Variants in SCP2 observed in about 807,000 individuals in gnomAD.
SCP2 encodes the protein sterol carrier protein 2, also known as SCP-2/3-oxoacyl-CoA thiolase.
A neutral mutation model predicts 71.4 loss-of-function variants in SCP2; 48 were observed. The observed-to-expected ratio is 0.67, with a 90% confidence interval of 0.53 to 0.86. SCP2 has a LOEUF of 0.86. SCP2 is among the 40% of genes least tolerant of loss of function. The pLI is 0.00. For missense variants in SCP2, 560 were observed against 655.6 expected (o/e 0.85, Z 1.59); for synonymous variants, 220 against 218.1 (o/e 1.01, Z -0.08).
chr1:53,021,317 CTTTT>C (rs35858975), intron 12 of SCP2, among the ~76,000 whole-genome samples: 2 of 127,370 alleles, frequency 1.6e-5, no homozygotes, highest in East Asian at 4.6e-4. Context: ...CCGTCAACCA[CTTTT>C]TTTTTTTTTT....
chr1:52,962,606 G>C (rs114736766), intron 6 of SCP2, among the ~76,000 whole-genome samples: 91 of 151,858 alleles, frequency 6.0e-4, no homozygotes, highest in African/African-American at 2.1e-3. Flanking sequence ...CTGTATCTCC[G>C]ACCATTTTTT....
At chr1:52,950,289 T>C (rs1655173287) in intron 3 of SCP2, among the ~76,000 whole-genome samples, 1 of 151,904 alleles carries the variant, frequency 6.6e-6, no homozygotes, top group Admixed American at 6.6e-5. Flanking sequence ...CCTGGCTAAT[T>C]TTTTGTATTT....
chr1:53,030,069 A>G (rs1276458903), intron 13 of SCP2, among the ~76,000 whole-genome samples: 1 of 151,988 alleles, frequency 6.6e-6, no homozygotes, highest in Non-Finnish European at 1.5e-5. Flanking sequence ...TTGTATTTTT[A>G]GTAGAGATGG....
At chr1:52,987,724 G>A (rs1346829231) in intron 10 of SCP2, among the ~76,000 whole-genome samples, 4 of 152,268 alleles carry the variant, frequency 2.6e-5, no homozygotes, top group Admixed American at 6.5e-5. Context: ...AGTTATTTTA[G>A]TTATAGCATT....
rs1012540680 is a variant in SCP2, at chr1:52,950,906, T to C, written c.331+20T>C. On this transcript the variant is annotated intron_variant, in intron 4 of 15. Transcript: ENST00000371514. ...AGGGTGGTAAGGAGTGCTTGTCTAGTGTACTTAAATATTGCCCCATTTTAA... is the reference window on the plus strand; with the variant it reads ...AGGGTGGTAAGGAGTGCTTGTCTAGCGTACTTAAATATTGCCCCATTTTAA... 1 of 1,611,440 alleles carries C rather than the reference T, an allele frequency of 6.2e-7. No individual in the cohort carries two copies. The highest frequency in any genetic ancestry group is 1.3e-5 in the African/African-American group (1 of 74,852).
rs1383759827 is a variant in SCP2, at chr1:52,960,789, G to A, written c.397-714G>A. Among the ~76,000 whole-genome samples, 3 of 149,954 alleles carry A rather than the reference G, an allele frequency of 2.0e-5. No homozygotes were observed. The Admixed American group carries it at 2.0e-4, about 10-fold the overall frequency. ...TCCCAAGACAGAGTCTCACTCTGTC[G>A]CCCAGGCTGGAGTGCAGTAGTGGTG... On this transcript the variant is annotated intron_variant, in intron 5 of 15. Transcript: ENST00000371514.
intron 9 of SCP2, among the ~76,000 whole-genome samples, chr1:52,979,738 A>T (rs970066217): frequency 1.1e-4 from 17 of 152,118 alleles, no homozygotes; most frequent in Non-Finnish European, 1.3e-4. Context: ...TTAGCACAAG[A>T]TATGCTCTGA....
intron 5 of SCP2, among the ~76,000 whole-genome samples, chr1:52,955,031 A>T (rs1320291276): frequency 2.0e-5 from 3 of 151,930 alleles, no homozygotes; most frequent in Non-Finnish European, 4.4e-5. Context: ...CCATTCATTT[A>T]TTCATTTTTT....
intron 2 of SCP2, among the ~76,000 whole-genome samples, chr1:52,946,273 G>A (rs1654786445): frequency 6.6e-6 from 1 of 151,884 alleles, no homozygotes; most frequent in South Asian, 2.1e-4. Context: ...CTGTTGCCCA[G>A]GCTAGAGTGC....
At chr1:52,938,057 T>C (rs561461703) in intron 1 of SCP2, among the ~76,000 whole-genome samples, 2 of 152,342 alleles carry the variant, frequency 1.3e-5, no homozygotes, top group East Asian at 3.9e-4. Flanking sequence ...TGTTGGTGGC[T>C]GTGTCTTATG....
At chr1:53,045,492 G>A (rs1663738788) in intron 14 of SCP2, among the ~76,000 whole-genome samples, 1 of 152,122 alleles carries the variant, frequency 6.6e-6, no homozygotes, top group South Asian at 2.1e-4. Context: ...GAATAAAGTT[G>A]TTATGAATAT....
At chr1:52,977,610 A>C (rs1214213854) in intron 8 of SCP2, among the ~76,000 whole-genome samples, 1 of 152,168 alleles carries the variant, frequency 6.6e-6, no homozygotes, top group South Asian at 2.1e-4. Context: ...TTTTGGACTT[A>C]CTCCTCAGAA....
intron 13 of SCP2, among the ~76,000 whole-genome samples, chr1:53,033,744 C>G (rs1047912565): frequency 2.0e-4 from 31 of 151,970 alleles, no homozygotes; most frequent in African/African-American, 7.5e-4. Context: ...GATGTAGCCA[C>G]TTTGGGAGTG....
chr1:53,043,519 G>T (rs1557632547), intron 14 of SCP2, among the ~76,000 whole-genome samples: 1 of 152,224 alleles, frequency 6.6e-6, no homozygotes, highest in African/African-American at 2.4e-5. Context: ...TAGGAATTGG[G>T]AGTATGAGCT....
chr1:52,986,335 A>T lies in SCP2; in HGVS notation c.974-1694A>T, dbSNP rs79896610. Among the ~76,000 whole-genome samples the T allele has an allele frequency of 8.9e-4, 135 of 152,330 alleles. 2 individuals carry two copies. In the East Asian group the frequency reaches 0.025, roughly 29 times the overall value. ...TGTGTTTAGTTTGCTATTACTTGCT[A>T]CAGAAACAATATTTAGCAGTTTGTA... is the stretch of plus-strand genomic sequence containing the variant. On this transcript the variant is annotated intron_variant, in intron 10 of 15. Transcript: ENST00000371514.
chr1:53,006,585 A>AT (rs1421177289), intron 11 of SCP2, among the ~76,000 whole-genome samples: 2 of 152,200 alleles, frequency 1.3e-5, no homozygotes, highest in Admixed American at 6.5e-5. Context: ...ATGCTGAGAG[A>AT]TTTTGTCACC....
At chr1:52,970,845 T>A (rs1197097860) in intron 6 of SCP2, among the ~76,000 whole-genome samples, 2 of 151,750 alleles carry the variant, frequency 1.3e-5, no homozygotes, top group Non-Finnish European at 2.9e-5. Context: ...CTTTTTTTTT[T>A]AACTTATAGA....
rs112172694 is a variant in SCP2 at position 53,024,863 on chromosome 1, C to T, written c.1236-3106C>T. On this transcript the variant is annotated intron_variant, in intron 12 of 15. Transcript: ENST00000371514. Reference sequence around the variant, plus strand: ...CTGGGATTACAGGTGTGAGCTACCACGCCTGCCCAGAAATGCTACATTTCT... The same window carrying T: ...CTGGGATTACAGGTGTGAGCTACCATGCCTGCCCAGAAATGCTACATTTCT... Among the ~76,000 whole-genome samples the T allele has an allele frequency of 4.5e-3, 690 of 152,096 alleles. 8 individuals carry two copies. Among genetic ancestry groups the T allele is most frequent in the African/African-American group, 0.016 (657 of 41,500 alleles).
chr1:52,933,698 T>A (rs536409576), intron 1 of SCP2, among the ~76,000 whole-genome samples: 1 of 152,216 alleles, frequency 6.6e-6, no homozygotes, highest in South Asian at 2.1e-4. Context: ...ATTACCATCA[T>A]TTTTGACAGC....
Sources: allele counts gnomAD v4.1 joint callset (sites outside exome capture counted in the v4.1 genomes callset), GRCh38; gene constraint gnomAD v4.1.1; transcripts MANE v1.5; gene names NCBI Gene and HGNC (gene_info 2026-07-23, HGNC 2026-07-21).